GPC5: variants seen among roughly 807,000 people sequenced by gnomAD.
GPC5 encodes the protein glypican-5.
Under a neutral mutation model 53.9 loss-of-function variants are expected in GPC5, and 47 were observed. The observed-to-expected ratio is 0.87, with a 90% confidence interval of 0.69 to 1.11. The LOEUF (loss-of-function observed/expected upper bound fraction) is 1.11, where lower values mean the gene tolerates loss of function less well. Ranked by LOEUF, GPC5 falls within the 50% of genes most tolerant of loss-of-function variation. The probability of loss-of-function intolerance (pLI) is 0.00; values close to 1 mark genes in which losing one functional copy is unlikely to be tolerated. For missense variants in GPC5, 748 were observed against 713.1 expected (o/e 1.05, Z -0.56); for synonymous variants, 286 against 263.3 (o/e 1.09, Z -0.84).
chr13:92,604,570 G>A (rs1884188919), intron 7 of GPC5, among the ~76,000 whole-genome samples: 1 of 152,134 alleles, frequency 6.6e-6, no homozygotes, highest in African/African-American at 2.4e-5. Flanking sequence ...CTATGCAATT[G>A]CGTAGATTAA....
Position 92,193,675 on chromosome 13 carries a change from A to G in GPC5, c.1561+48686A>G, listed in dbSNP as rs1287968916. ...TTATATTCACTCCTACTGGTGTGCT[A>G]AGGAATTGTTGACACTCTTTGGGCA... is the stretch of plus-strand genomic sequence containing the variant. On this transcript the variant is annotated intron_variant, in intron 7 of 7. Coordinates refer to ENST00000377067, the MANE Select transcript of GPC5 (RefSeq NM_004466.6). 2.6e-5 allele frequency among the ~76,000 whole-genome samples: 4 copies of G among 152,212 alleles called. No homozygotes were observed. The East Asian group carries it at 7.7e-4, about 29-fold the overall frequency.
At chr13:92,344,752 C>T (rs961922996) in intron 7 of GPC5, among the ~76,000 whole-genome samples, 1 of 152,156 alleles carries the variant, frequency 6.6e-6, no homozygotes, top group Admixed American at 6.6e-5. Flanking sequence ...GCTCTCTCAA[C>T]AGCTTGCAAC....
intron 7 of GPC5, among the ~76,000 whole-genome samples, chr13:92,441,655 C>A (rs545606329): frequency 6.6e-6 from 1 of 152,118 alleles, no homozygotes; most frequent in Non-Finnish European, 1.5e-5. Flanking sequence ...ATTACAGATA[C>A]TATGAAACAC....
chr13:92,036,020 C>G (rs72635404), intron 6 of GPC5, among the ~76,000 whole-genome samples: 2 of 152,112 alleles, frequency 1.3e-5, no homozygotes, highest in African/African-American at 4.8e-5. Context: ...AACTGGCCCC[C>G]GGGGTTGTTT....
At chr13:91,805,478 T>TTGAG (rs3029820) in intron 5 of GPC5, among the ~76,000 whole-genome samples, 1 of 151,638 alleles carries the variant, frequency 6.6e-6, no homozygotes, top group Non-Finnish European at 1.5e-5. Context: ...TAATTTGACT[T>TTGAG]TGGTCAAAGG....
intron 6 of GPC5, among the ~76,000 whole-genome samples, chr13:92,048,560 T>C (rs1234052403): frequency 6.6e-6 from 1 of 152,136 alleles, no homozygotes; most frequent in Non-Finnish European, 1.5e-5. Context: ...ATCGCTAATA[T>C]ATTTTGTGTA....
intron 2 of GPC5, among the ~76,000 whole-genome samples, chr13:91,573,733 G>T (rs2032030105): frequency 6.6e-6 from 1 of 151,966 alleles, no homozygotes; most frequent in South Asian, 2.1e-4. Flanking sequence ...TACAGTCTTG[G>T]ACACTAAGCA....
At chr13:91,502,963 C>T (rs1884727376) in intron 2 of GPC5, among the ~76,000 whole-genome samples, 1 of 152,120 alleles carries the variant, frequency 6.6e-6, no homozygotes, top group Non-Finnish European at 1.5e-5. Flanking sequence ...GTCTTAAACA[C>T]TTTTATTATT....
chr13:92,641,358 C>T (rs1885589145), intron 7 of GPC5, among the ~76,000 whole-genome samples: 1 of 151,988 alleles, frequency 6.6e-6, no homozygotes, highest in Non-Finnish European at 1.5e-5. Flanking sequence ...AATGAAGAAA[C>T]ATCCGGTAAA....
chr13:91,694,534 A>G (rs1314027732), intron 3 of GPC5, among the ~76,000 whole-genome samples: 1 of 152,210 alleles, frequency 6.6e-6, no homozygotes, highest in East Asian at 1.9e-4. Context: ...AAACACAATC[A>G]TCAAATCAAA....
At chr13:92,658,943 T>TG (rs1886236752) in intron 7 of GPC5, 1 of 142,668 alleles carries the variant, frequency 7.0e-6, no homozygotes, top group African/African-American at 2.6e-5. Context: ...TTTTTTTTTT[T>TG]TTTGAGACGG....
intron 5 of GPC5, among the ~76,000 whole-genome samples, chr13:91,863,674 G>A (rs548430043): frequency 2.6e-4 from 39 of 152,044 alleles, no homozygotes; most frequent in Non-Finnish European, 4.9e-4. Flanking sequence ...ATCCAGAGGC[G>A]GTGTTTCTCA....
chr13:91,649,413 G>C (rs746277602), intron 2 of GPC5, among the ~76,000 whole-genome samples: 1 of 152,142 alleles, frequency 6.6e-6, no homozygotes, highest in Non-Finnish European at 1.5e-5. Flanking sequence ...CACGTTTCTT[G>C]TGAATATACA....
At chr13:91,524,428 C>T (rs1885988745) in intron 2 of GPC5, among the ~76,000 whole-genome samples, 1 of 151,814 alleles carries the variant, frequency 6.6e-6, no homozygotes, top group African/African-American at 2.4e-5. Context: ...AGATATTTAC[C>T]TATATATTTT....
At chr13:92,583,054 C>G (rs761821780) in intron 7 of GPC5, among the ~76,000 whole-genome samples, 8 of 149,078 alleles carry the variant, frequency 5.4e-5, no homozygotes, top group Non-Finnish European at 1.2e-4. Flanking sequence ...AGTGGACATC[C>G]TTGTCTTGTT....
intron 2 of GPC5, among the ~76,000 whole-genome samples, chr13:91,598,850 C>A (rs2033084106): frequency 6.6e-6 from 1 of 151,820 alleles, no homozygotes; most frequent in Non-Finnish European, 1.5e-5. Flanking sequence ...AATTAACTAA[C>A]TGGAAAGCTA....
intron 7 of GPC5, among the ~76,000 whole-genome samples, chr13:92,708,201 A>G (rs1039577544): frequency 5.3e-5 from 8 of 152,186 alleles, no homozygotes; most frequent in Non-Finnish European, 1.2e-4. Flanking sequence ...GAACTTGACC[A>G]TTAGGTGAAT....
At chr13:91,541,662 G>A (rs2029937066) in intron 2 of GPC5, among the ~76,000 whole-genome samples, 1 of 151,904 alleles carries the variant, frequency 6.6e-6, no homozygotes, top group Non-Finnish European at 1.5e-5. Context: ...AAATCTCACA[G>A]GTAGTTTGTT....
intron 1 of GPC5, among the ~76,000 whole-genome samples, chr13:91,427,844 C>A (rs866271399): frequency 1.3e-5 from 2 of 152,172 alleles, no homozygotes; most frequent in South Asian, 4.2e-4. Context: ...GGGGCTGTTT[C>A]CCCCATGCTG....
Sources: gnomAD v4.1 joint callset for allele counts (sites outside exome capture counted in the v4.1 genomes callset) on GRCh38, gnomAD v4.1.1 for gene constraint, MANE v1.5 for transcripts, NCBI Gene and HGNC (gene_info 2026-07-23, HGNC 2026-07-21) for gene names.